The following PRKCD variants were observed in gnomAD, a reference collection of about 807,000 sequenced individuals.
The protein encoded by PRKCD is protein kinase C delta.
Under a neutral mutation model 82.2 loss-of-function variants are expected in PRKCD, and 20 were observed. The ratio of observed to expected loss-of-function variants is 0.24; its 90% CI spans 0.17 to 0.35. The LOEUF is 0.35. Ranked by LOEUF, PRKCD falls within the 10% of genes least tolerant of loss-of-function variation. The probability of loss-of-function intolerance (pLI) is 1.00; values close to 1 mark genes in which losing one functional copy is unlikely to be tolerated. For synonymous variants in PRKCD, 317 were observed against 337.0 expected (o/e 0.94, Z 0.65); for missense variants, 607 against 899.0 (o/e 0.68, Z 4.15).
chr3:53,176,135 G>C (rs1272219368), intron 2 of PRKCD, among the ~76,000 whole-genome samples: 1 of 152,286 alleles, frequency 6.6e-6, no homozygotes, highest in East Asian at 1.9e-4. Context: ...CCACCAAGAG[G>C]TCAAGGGCAG....
chr3:53,164,650 C>T (rs1300860265), intron 1 of PRKCD, among the ~76,000 whole-genome samples: 3 of 151,792 alleles, frequency 2.0e-5, no homozygotes, highest in Non-Finnish European at 4.4e-5. Flanking sequence ...GGAGCTGGCA[C>T]GCCACATCAT....
chr3:53,170,526 C>T (rs1386696750), intron 2 of PRKCD, among the ~76,000 whole-genome samples: 5 of 152,368 alleles, frequency 3.3e-5, no homozygotes, highest in East Asian at 1.9e-4. Flanking sequence ...GGTGGGCGGG[C>T]GGGCGGAGGC....
intron 9 of PRKCD, among the ~76,000 whole-genome samples, chr3:53,184,079 T>C (rs914587649): frequency 1.1e-4 from 17 of 152,136 alleles, no homozygotes; most frequent in Non-Finnish European, 2.2e-4. Flanking sequence ...ACGTCTGTAA[T>C]CCCAGCACTT....
In PRKCD at chr3:53,173,007, A is replaced by G. The variant is rs180974766; in HGVS notation, c.-19-5397A>G. 3.3e-3 allele frequency among the ~76,000 whole-genome samples: 498 copies of G among 152,304 alleles called. 3 individuals are homozygous for G. The highest frequency in any genetic ancestry group is 0.011 in the African/African-American group (456 of 41,550). ...GTTTCCTCCTCTGTACAATGAGGAGATGGGCATGTCAGTCTCTGAAGACCT... is the reference window on the plus strand; with the variant it reads ...GTTTCCTCCTCTGTACAATGAGGAGGTGGGCATGTCAGTCTCTGAAGACCT... On this transcript the variant is annotated intron_variant, in intron 2 of 18. Transcript: ENST00000330452.
At chr3:53,183,044 G>A in intron 7 of PRKCD, 77 bp from the exon 8 acceptor site, 1 of 1,464,806 alleles carries the variant, frequency 6.8e-7, no homozygotes, top group South Asian at 1.2e-5. Flanking sequence ...GGCTAGACTG[G>A]TCGGCAGGCA....
At chr3:53,190,062 C>G in intron 18 of PRKCD, 61 bp downstream of exon 18, 1 of 1,600,686 alleles carries the variant, frequency 6.2e-7, no homozygotes, top group Non-Finnish European at 8.5e-7. Context: ...CCCTCCCTCT[C>G]TCCTGCATCA....
At chr3:53,175,663 C>A (rs184576298) in intron 2 of PRKCD, among the ~76,000 whole-genome samples, 1 of 152,172 alleles carries the variant, frequency 6.6e-6, no homozygotes, top group African/African-American at 2.4e-5. Flanking sequence ...ATCCCTGTGC[C>A]CCTGTCCCCT....
At chr3:53,185,022 G>T (rs370951928) in intron 10 of PRKCD, 48 bp downstream of exon 10, 121 of 1,539,064 alleles carry the variant, frequency 7.9e-5, no homozygotes, top group African/African-American at 1.1e-4. Flanking sequence ...TGGGGTCAGG[G>T]ACAGTCAAGG....
intron 2 of PRKCD, among the ~76,000 whole-genome samples, 158 bp downstream of exon 2, chr3:53,165,373 G>T (rs185262058): frequency 1.3e-5 from 2 of 152,248 alleles, no homozygotes; most frequent in African/African-American, 4.8e-5. Flanking sequence ...GCAGCTGTTT[G>T]CCCTGTCTAT....
At chr3:53,183,275 C>A in intron 8 of PRKCD, 69 bp downstream of exon 8, 1 of 1,578,884 alleles carries the variant, frequency 6.3e-7, no homozygotes, top group Admixed American at 1.7e-5. Flanking sequence ...TTTGCACCCT[C>A]TCCCCACCCT....
At chr3:53,178,908 G>A (rs556635738) in intron 3 of PRKCD, among the ~76,000 whole-genome samples, 110 of 152,326 alleles carry the variant, frequency 7.2e-4, no homozygotes, top group Non-Finnish European at 1.3e-3. Context: ...AACCAGGCAC[G>A]TCAAAAAGCA....
chr3:53,184,031 T>G (rs111286902), intron 9 of PRKCD, among the ~76,000 whole-genome samples: 29 of 152,308 alleles, frequency 1.9e-4, no homozygotes, highest in African/African-American at 6.7e-4. Context: ...TTTTCCTTTT[T>G]CTTTAAATCA....
chr3:53,164,942 C>T (rs1198677236), intron 1 of PRKCD, among the ~76,000 whole-genome samples, 162 bp from the exon 2 acceptor site: 1 of 152,082 alleles, frequency 6.6e-6, no homozygotes, highest in Non-Finnish European at 1.5e-5. Context: ...AAGTTGGGCC[C>T]AACACCACAT....
chr3:53,185,805 C>T (rs782104451), intron 11 of PRKCD, 105 bp downstream of exon 11: 33 of 1,515,204 alleles, frequency 2.2e-5, no homozygotes, highest in East Asian at 6.8e-5. Flanking sequence ...AAGGAACCAC[C>T]GGTCCTGGGG....
chr3:53,191,011 C>T (rs561166101), intron 18 of PRKCD, among the ~76,000 whole-genome samples: 1 of 152,318 alleles, frequency 6.6e-6, no homozygotes, highest in South Asian at 2.1e-4. Context: ...CCAGGGGGCT[C>T]TTAGCACCAA....
intron 2 of PRKCD, among the ~76,000 whole-genome samples, chr3:53,172,851 C>CAGACCCTCACAGCCAACCCTACTGGCTG: frequency 6.6e-6 from 1 of 152,224 alleles, no homozygotes; most frequent in Non-Finnish European, 1.5e-5. Context: ...TCCAGCCCAG[C>CAGACCCTCACAGCCAACCCTACTGGCTG]TTACTCCTCT....
intron 2 of PRKCD, among the ~76,000 whole-genome samples, chr3:53,165,962 G>A (rs950743348): frequency 6.6e-5 from 10 of 152,186 alleles, no homozygotes; most frequent in Admixed American, 3.9e-4. Context: ...CTGGGTGACC[G>A]GGCCCCAGTG....
At chr3:53,186,514 T>A (rs1553669155) in intron 13 of PRKCD, 90 bp from the exon 14 acceptor site, 9 of 1,400,856 alleles carry the variant, frequency 6.4e-6, no homozygotes, top group Non-Finnish European at 8.9e-6. Context: ...CTGTCCCTGC[T>A]GTTTCCTGTT....
At chr3:53,189,370 A>G in intron 17 of PRKCD, 124 bp downstream of exon 17, 1 of 1,031,798 alleles carries the variant, frequency 9.7e-7, no homozygotes, top group Non-Finnish European at 1.4e-6. Context: ...CTGCAGTCCT[A>G]ACATACGGGG....
Sources: allele counts gnomAD v4.1 joint callset (sites outside exome capture counted in the v4.1 genomes callset), GRCh38; gene constraint gnomAD v4.1.1; transcripts MANE v1.5; gene names NCBI Gene and HGNC (gene_info 2026-07-23, HGNC 2026-07-21).